CR1: variants seen among roughly 807,000 people sequenced by gnomAD.
The protein encoded by CR1 is complement C3b/C4b receptor 1 (Knops blood group), also known as complement receptor type 1.
In CR1, 116 loss-of-function variants were observed where a neutral mutation model predicts 187.3. The observed-to-expected ratio is 0.62, with a 90% CI of 0.53 to 0.72. CR1 has a LOEUF of 0.72. Among genes scored for constraint, CR1 ranks in the 30% least tolerant of loss-of-function variants. The pLI, the probability that CR1 is intolerant of heterozygous loss-of-function variation, is 0.00. For synonymous variants in CR1, 576 were observed against 747.1 expected (o/e 0.77, Z 3.73); for missense variants, 1,731 against 2,110.7 (o/e 0.82, Z 3.52).
Position 207,505,995 on chromosome 1 carries a change from T to G in CR1, c.213T>G (p.Tyr71Ter). The G allele has an allele frequency of 1.2e-6, 2 of 1,614,004 alleles. No homozygotes were observed. The highest frequency in any genetic ancestry group is 1.7e-6 in the Non-Finnish European group (2 of 1,179,880). ...TTCCCATTGGGACATATCTGAACTA[T>G]GAATGCCGCCCTGGTTATTCCGGAA... is the stretch of plus-strand genomic sequence containing the variant. ...FEFPIGTYLNYECRPGYSGRP... is the reference protein window; with the variant it reads ...FEFPIGTYLN The change falls in exon 2 of 47, where the codon TAT (tyrosine) becomes TAG (stop). Residue 71 changes from tyrosine to a stop codon, truncating the protein, a stop_gained. Coordinates refer to ENST00000367049, the MANE Select transcript of CR1 (RefSeq NM_000651.6). LOFTEE classifies it high-confidence loss of function.
chr1:207,496,716 A>G (rs1213074241), intron 1 of CR1, among the ~76,000 whole-genome samples: 1 of 152,204 alleles, frequency 6.6e-6, no homozygotes, highest in Non-Finnish European at 1.5e-5. Context: ...GGCTATAGCC[A>G]AGACGTGGCG....
intron 24 of CR1, among the ~76,000 whole-genome samples, chr1:207,566,866 A>T (rs1324193872): frequency 1.3e-5 from 2 of 150,290 alleles, no homozygotes; most frequent in African/African-American, 5.0e-5. Context: ...TAAAATGTTT[A>T]TGTTGTTAGA....
chr1:207,639,164 A>G (rs1376798745), intron 46 of CR1, among the ~76,000 whole-genome samples: 2 of 152,202 alleles, frequency 1.3e-5, no homozygotes, highest in East Asian at 3.8e-4. Flanking sequence ...TACATCTTGG[A>G]CATAAGTCAG....
intron 35 of CR1, among the ~76,000 whole-genome samples, chr1:207,592,557 C>A (rs1200366732): frequency 1.3e-5 from 2 of 152,166 alleles, no homozygotes; most frequent in Non-Finnish European, 2.9e-5. Flanking sequence ...CCCTCTCTCA[C>A]CACTCCTATT....
intron 4 of CR1, among the ~76,000 whole-genome samples, chr1:207,514,358 G>A (rs763410278): frequency 1.3e-5 from 2 of 152,064 alleles, no homozygotes; most frequent in South Asian, 2.1e-4. Context: ...TGGTCTGAAC[G>A]TTTGAGTCCA....
intron 24 of CR1, among the ~76,000 whole-genome samples, chr1:207,567,269 T>G (rs1660530069): frequency 6.7e-6 from 1 of 149,560 alleles, no homozygotes; most frequent in Non-Finnish European, 1.5e-5. Flanking sequence ...TTTGGAGTTT[T>G]TTTTTTTTTT....
chr1:207,600,900 G>T (rs1027676370), intron 35 of CR1: 3 of 152,108 alleles, frequency 2.0e-5, no homozygotes, highest in Admixed American at 1.3e-4. Context: ...AATTAGGAAT[G>T]CTGAAACATA....
chr1:207,579,351 C>T (rs909318881), intron 29 of CR1, among the ~76,000 whole-genome samples: 3 of 152,168 alleles, frequency 2.0e-5, no homozygotes, highest in Admixed American at 6.5e-5. Flanking sequence ...TGTGCAACCA[C>T]TGAGCTGGGA....
chr1:207,631,958 A>C (rs994660130), intron 46 of CR1, among the ~76,000 whole-genome samples: 2 of 152,220 alleles, frequency 1.3e-5, no homozygotes, highest in African/African-American at 4.8e-5. Flanking sequence ...ATACATCAGA[A>C]ATCCTAAATT....
chr1:207,514,309 A>G (rs916736101), intron 4 of CR1, among the ~76,000 whole-genome samples: 25 of 152,176 alleles, frequency 1.6e-4, no homozygotes, highest in Non-Finnish European at 2.9e-4. Flanking sequence ...AAATTATACA[A>G]TTTAGTGGTG....
At chr1:207,619,376 CAAAAAAAAAA>C (rs67078800) in intron 42 of CR1, among the ~76,000 whole-genome samples, 1 of 92,660 alleles carries the variant, frequency 1.1e-5, no homozygotes, top group South Asian at 3.8e-4. Context: ...CAGTGAGACT[CAAAAAAAAAA>C]AAAAAAAAGA....
chr1:207,622,031 G>A (rs750880786), intron 44 of CR1, 35 bp downstream of exon 44: 4 of 1,563,116 alleles, frequency 2.6e-6, no homozygotes, highest in African/African-American at 2.7e-5. Context: ...AGGAATTCTG[G>A]CATCTATAAC....
intron 36 of CR1, among the ~76,000 whole-genome samples, chr1:207,607,953 C>G (rs915139744): frequency 2.0e-5 from 3 of 152,142 alleles, no homozygotes; most frequent in Non-Finnish European, 4.4e-5. Flanking sequence ...TCATCGCACA[C>G]AGAGTTGATG....
intron 5 of CR1, among the ~76,000 whole-genome samples, chr1:207,525,561 G>C (rs950226216): frequency 4.0e-5 from 6 of 151,850 alleles, no homozygotes; most frequent in African/African-American, 1.5e-4. Context: ...GCCACTGCCT[G>C]AGCCACTTCT....
At chr1:207,633,868 G>GT (rs1417632818) in intron 46 of CR1, among the ~76,000 whole-genome samples, 1 of 152,158 alleles carries the variant, frequency 6.6e-6, no homozygotes, top group Admixed American at 6.5e-5. Context: ...GGAGATAGGG[G>GT]TGGGGCCGTT....
rs770142826 is a variant in CR1 at position 207,607,285 on chromosome 1, C to T, written c.5845C>T (p.Leu1949Phe). The part of the protein sequence containing the change: ...RLIGSPSTTC[L>F]VSGNNVTWDK... ...CATTGGTTCCCCATCTACTACTTGT[C>T]TCGTCTCAGGCAATAATGTCACATG... The change falls in exon 36 of 47, where the codon CTC becomes TTC. Residue 1949 changes from leucine to phenylalanine, a missense_variant. Around this residue, in one of 5 missense-constraint regions of CR1, gnomAD observed 1,312 missense variants for 1,379.6 expected, o/e 0.95. Transcript: ENST00000367049. 1.2e-6 allele frequency: 2 copies of T among 1,613,594 alleles called. No individual in the cohort carries two copies. Among genetic ancestry groups the T allele is most frequent in the East Asian group, 2.2e-5 (1 of 44,860 alleles).
intron 5 of CR1, among the ~76,000 whole-genome samples, chr1:207,525,423 G>C (rs1660137141): frequency 6.6e-6 from 1 of 152,036 alleles, no homozygotes; most frequent in Admixed American, 6.5e-5. Context: ...TGAGCAGGCA[G>C]CTCCCTGTAA....
chr1:207,588,575 T>C (rs1661179331), intron 34 of CR1, 100 bp from the exon 35 acceptor site: 2 of 748,560 alleles, frequency 2.7e-6, no homozygotes, highest in Non-Finnish European at 2.3e-6. Context: ...ATGAAACAAT[T>C]GGAACTGTAT....
chr1:207,630,753 G>T, intron 46 of CR1, 132 bp downstream of exon 46: 1 of 534,194 alleles, frequency 1.9e-6, no homozygotes, highest in African/African-American at 2.0e-5. Flanking sequence ...TTCAGGAGTT[G>T]GAAACTTCTT....
Sources: gnomAD v4.1 joint callset for allele counts (sites outside exome capture counted in the v4.1 genomes callset) on GRCh38, gnomAD v4.1.1 for gene constraint, gnomAD v4.1.1 regional missense constraint, MANE v1.5 for transcripts, NCBI Gene and HGNC (gene_info 2026-07-23, HGNC 2026-07-21) for gene names.